The following STAG1 variants were observed in gnomAD, a reference collection of about 807,000 sequenced individuals.
STAG1 encodes cohesin subunit SA-1.
STAG1 carries 26 observed loss-of-function variants against 170.9 expected under a neutral mutation model. That is an observed-to-expected ratio of 0.15 (90% CI 0.11 to 0.21). The LOEUF (loss-of-function observed/expected upper bound fraction) is 0.21. Among genes scored for constraint, STAG1 ranks in the 10% least tolerant of loss-of-function variants. The probability of loss-of-function intolerance (pLI) is 1.00; values close to 1 mark genes in which losing one functional copy is unlikely to be tolerated. For missense variants in STAG1, 964 were observed against 1,509.5 expected, an observed-to-expected ratio of 0.64 and a Z score of 5.99; for synonymous variants, 514 against 497.7, an observed-to-expected ratio of 1.03 and a Z score of -0.44.
At chr3:136,385,089 A>G (rs1453010718) in intron 22 of STAG1, among the ~76,000 whole-genome samples, 2 of 152,196 alleles carry the variant, frequency 1.3e-5, no homozygotes, top group Non-Finnish European at 2.9e-5. Context: ...GCTTCCTTTC[A>G]AATTTTCTTT....
chr3:136,394,795 A>T (rs1310913821), intron 22 of STAG1, among the ~76,000 whole-genome samples: 2 of 151,926 alleles, frequency 1.3e-5, no homozygotes, highest in Non-Finnish European at 2.9e-5. Flanking sequence ...TCTACTAAAC[A>T]TACAAAAATT....
intron 25 of STAG1, among the ~76,000 whole-genome samples, chr3:136,365,711 C>A (rs1240412747): frequency 1.3e-5 from 2 of 151,888 alleles, no homozygotes; most frequent in Non-Finnish European, 2.9e-5. Flanking sequence ...GTAATGCCTG[C>A]GAATATTTGG....
At chr3:136,736,625 T>C (rs1934350061) in intron 1 of STAG1, 1 of 1,602,220 alleles carries the variant, frequency 6.2e-7, no homozygotes, top group Non-Finnish European at 8.5e-7. Context: ...CCTCAAAGTT[T>C]TTCTGCCACT....
intron 1 of STAG1, among the ~76,000 whole-genome samples, chr3:136,751,824 G>A (rs1480010541): frequency 6.6e-6 from 1 of 150,834 alleles, no homozygotes; most frequent in African/African-American, 2.4e-5. Flanking sequence ...GGGGCGGAGG[G>A]CGGGCTTGGC....
chr3:136,398,891 G>T, intron 21 of STAG1, 62 bp from the exon 22 acceptor site: 1 of 982,932 alleles, frequency 1.0e-6, no homozygotes, highest in Non-Finnish European at 1.5e-6. Context: ...TCATCTGTTT[G>T]CACCGTGCTA....
intron 13 of STAG1, among the ~76,000 whole-genome samples, chr3:136,455,296 G>A (rs964930381): frequency 1.3e-5 from 2 of 152,130 alleles, no homozygotes; most frequent in African/African-American, 4.8e-5. Context: ...GAAGAGAAGT[G>A]GAGAAACCCT....
intron 19 of STAG1, 88 bp from the exon 20 acceptor site, chr3:136,421,251 A>G: frequency 1.4e-6 from 1 of 729,646 alleles, no homozygotes; most frequent in South Asian, 3.0e-5. Flanking sequence ...ATTCTTCTAA[A>G]TTATATTAAT....
chr3:136,363,294 G>A, intron 26 of STAG1, 72 bp downstream of exon 26: 2 of 768,234 alleles, frequency 2.6e-6, no homozygotes, highest in South Asian at 3.5e-5. Flanking sequence ...GAGATACCTA[G>A]CAAATATTAA....
chr3:136,379,933 T>G (rs1350355018), intron 22 of STAG1, among the ~76,000 whole-genome samples: 1 of 152,198 alleles, frequency 6.6e-6, no homozygotes, highest in Non-Finnish European at 1.5e-5. Context: ...GTGCTAAAAT[T>G]TTGTGTAAAT....
At chr3:136,527,416 G>C (rs1935097281) in intron 6 of STAG1, among the ~76,000 whole-genome samples, 1 of 152,156 alleles carries the variant, frequency 6.6e-6, no homozygotes, top group South Asian at 2.1e-4. Flanking sequence ...TTGTCACGTA[G>C]TTCTAGTGCC....
chr3:136,454,495 C>T (rs1019330492), intron 13 of STAG1, among the ~76,000 whole-genome samples: 3 of 152,040 alleles, frequency 2.0e-5, no homozygotes, highest in African/African-American at 4.8e-5. Context: ...TCTCCTGTCT[C>T]GGCCTCTGGA....
intron 22 of STAG1, among the ~76,000 whole-genome samples, chr3:136,394,628 G>C (rs955119943): frequency 2.6e-5 from 4 of 151,346 alleles, no homozygotes; most frequent in Non-Finnish European, 5.9e-5. Flanking sequence ...ATATAAAAAA[G>C]TAGCCAGGCG....
Position 136,363,476 on chromosome 3 carries a change from G to C in STAG1, c.2686-9C>G. On this transcript the variant is annotated splice_polypyrimidine_tract_variant and intron_variant, in intron 25 of 33. Coordinates refer to ENST00000383202, the MANE Select transcript of STAG1 (RefSeq NM_005862.3). ...CCATAGTCATTGTAATACTGTGAGG[G>C]AAAGAAAGAAAACATGGCTTTAAAA... 1 of 1,249,646 alleles carries C rather than the reference G, an allele frequency of 8.0e-7. No homozygotes were observed. Among genetic ancestry groups the C allele is most frequent in the Non-Finnish European group, 1.1e-6 (1 of 897,080 alleles). The allele number at this position is 1,249,646 out of a possible 1,614,324, so 77.4% of individuals were successfully genotyped here.
chr3:136,717,039 AACAGCAACGTGTAC>A (rs1358679760), intron 1 of STAG1, among the ~76,000 whole-genome samples: 2 of 152,224 alleles, frequency 1.3e-5, no homozygotes, highest in African/African-American at 4.8e-5. Flanking sequence ...AATGGTTTAT[AACAGCAACGTGTAC>A]ACAGCAACAC....
intron 9 of STAG1, among the ~76,000 whole-genome samples, chr3:136,477,976 G>C (rs2089798266): frequency 6.6e-6 from 1 of 152,024 alleles, no homozygotes; most frequent in Non-Finnish European, 1.5e-5. Context: ...TTTTAGTAGA[G>C]ATGGGGTTTC....
At chr3:136,533,293 T>A in intron 6 of STAG1, among the ~76,000 whole-genome samples, 1 of 152,156 alleles carries the variant, frequency 6.6e-6, no homozygotes, top group Non-Finnish European at 1.5e-5. Context: ...TGCTCATGAA[T>A]CCCAAGAATA....
chr3:136,626,369 G>A (rs770872101), intron 2 of STAG1, among the ~76,000 whole-genome samples: 6 of 149,796 alleles, frequency 4.0e-5, no homozygotes, highest in East Asian at 1.9e-4. Context: ...TAGGTTGGCC[G>A]AGCCAAGATC....
At chr3:136,640,576 T>C (rs1462756188) in intron 1 of STAG1, among the ~76,000 whole-genome samples, 2 of 145,860 alleles carry the variant, frequency 1.4e-5, no homozygotes, top group Admixed American at 6.9e-5. Context: ...GCCATGTTGG[T>C]CAGGCTGGTC....
chr3:136,701,608 A>C (rs527509474), intron 1 of STAG1, among the ~76,000 whole-genome samples: 2 of 152,150 alleles, frequency 1.3e-5, no homozygotes, highest in Non-Finnish European at 2.9e-5. Context: ...AATATGTTGA[A>C]TCTCTCTGAG....
Sources: allele counts gnomAD v4.1 joint callset (sites outside exome capture counted in the v4.1 genomes callset), GRCh38; gene constraint gnomAD v4.1.1; transcripts MANE v1.5; gene names NCBI Gene and HGNC (gene_info 2026-07-23, HGNC 2026-07-21).